The following ASAH2 variants were observed in gnomAD, a reference collection of about 807,000 sequenced individuals.
ASAH2 encodes the protein N-acylsphingosine amidohydrolase 2.
ASAH2 carries 58 observed loss-of-function variants against 82.9 expected under a neutral mutation model. The observed-to-expected ratio is 0.70, with a 90% CI of 0.57 to 0.87. The LOEUF (loss-of-function observed/expected upper bound fraction) is 0.87. Among genes scored for constraint, ASAH2 ranks in the 40% least tolerant of loss-of-function variants. The pLI is 0.00. For synonymous variants in ASAH2, 276 were observed against 289.7 expected, an observed-to-expected ratio of 0.95 and a Z score of 0.48; for missense variants, 779 against 834.0, an observed-to-expected ratio of 0.93 and a Z score of 0.81.
chr10:50,240,321 G>C (rs1247008605), intron 4 of ASAH2, among the ~76,000 whole-genome samples: 1 of 152,094 alleles, frequency 6.6e-6, no homozygotes, highest in Non-Finnish European at 1.5e-5. Context: ...AAACTCCCCT[G>C]GGTGAAATCC....
At position 50,214,767 on chromosome 10, in the gene ASAH2, G is replaced by A; in HGVS notation, c.1116C>T (p.Ala372=). The change falls in exon 9 of 21, where the codon GCC becomes GCT. Residue 372 remains alanine, a synonymous_variant. Transcript: ENST00000682911. ...CCCCACCAATGGGACAAGTGCTATT[G>A]GCGTTATCACAGGACTCTCCTGTGT... The part of the protein sequence containing the change: ...CINTGESCDN[A]NSTCPIGGPS... The A allele has an allele frequency of 6.2e-7, 1 of 1,613,756 alleles. No individual in the cohort carries two copies.
intron 16 of ASAH2, among the ~76,000 whole-genome samples, chr10:50,201,844 G>GAATAACAA (rs1845157994): frequency 6.6e-6 from 1 of 152,042 alleles, no homozygotes; most frequent in Non-Finnish European, 1.5e-5. Flanking sequence ...ATATATCTGT[G>GAATAACAA]GATCTAATAA....
chr10:50,232,430 A>G (rs1037280539), intron 7 of ASAH2, among the ~76,000 whole-genome samples: 3 of 152,102 alleles, frequency 2.0e-5, no homozygotes, highest in South Asian at 2.1e-4. Flanking sequence ...ATTTGACTGT[A>G]GCACCCAGCA....
At chr10:50,245,160 G>T in intron 3 of ASAH2, 62 bp downstream of exon 3, 1 of 1,329,452 alleles carries the variant, frequency 7.5e-7, no homozygotes, top group Non-Finnish European at 1.1e-6. Context: ...AATGAATGCA[G>T]GTTGTAAAAT....
intron 2 of ASAH2, among the ~76,000 whole-genome samples, chr10:50,246,312 C>T (rs892953383): frequency 1.3e-5 from 2 of 152,158 alleles, no homozygotes; most frequent in Non-Finnish European, 2.9e-5. Context: ...ATCCTGCTTC[C>T]TGGGGCTGTT....
intron 7 of ASAH2, among the ~76,000 whole-genome samples, chr10:50,226,958 A>G (rs1253412720): frequency 1.3e-5 from 2 of 152,134 alleles, no homozygotes; most frequent in African/African-American, 4.8e-5. Context: ...CCATTTAAAT[A>G]TATATTTTAA....
At chr10:50,207,339 A>G (rs1255237477) in intron 12 of ASAH2, among the ~76,000 whole-genome samples, 3 of 151,896 alleles carry the variant, frequency 2.0e-5, no homozygotes, top group African/African-American at 4.8e-5. Context: ...AAGAAAATCA[A>G]TTAAACAGTG....
chr10:50,227,268 T>C (rs1412227460), intron 7 of ASAH2, among the ~76,000 whole-genome samples: 6 of 152,134 alleles, frequency 3.9e-5, no homozygotes, highest in African/African-American at 1.2e-4. Flanking sequence ...TAACAGACTA[T>C]GTAGACTTTA....
At chr10:50,210,651 C>T (rs949987599) in intron 12 of ASAH2, among the ~76,000 whole-genome samples, 172 bp downstream of exon 12, 14 of 152,240 alleles carry the variant, frequency 9.2e-5, no homozygotes, top group African/African-American at 3.4e-4. Context: ...TTAGTGGTTG[C>T]TTAGGTCTGG....
chr10:50,235,718 A>C (rs1478679283), intron 5 of ASAH2, among the ~76,000 whole-genome samples, 170 bp downstream of exon 5: 2 of 152,132 alleles, frequency 1.3e-5, no homozygotes, highest in Admixed American at 1.3e-4. Flanking sequence ...CTAACAGCCC[A>C]TAGCTCAGAA....
chr10:50,222,844 ATATTT>A lies in ASAH2; in HGVS notation c.894-4219_894-4215del, dbSNP rs1366870592. Among the ~76,000 whole-genome samples, 12 of 152,340 alleles carry A rather than the reference ATATTT, an allele frequency of 7.9e-5. No individual in the cohort carries two copies. The South Asian group carries it at 2.1e-3, about 26-fold the overall frequency. On this transcript the variant is annotated intron_variant, in intron 7 of 20. Coordinates refer to ENST00000682911, the MANE Select transcript of ASAH2 (RefSeq NM_019893.4). ...ATTTTAATTTTAAAACGCAGTACTT[ATATTT>A]TATTTTATCTGGCCAAAAAATATTT...
intron 18 of ASAH2, among the ~76,000 whole-genome samples, chr10:50,195,649 T>C (rs1165383414): frequency 4.7e-4 from 72 of 151,850 alleles, no homozygotes; most frequent in Middle Eastern, 3.4e-3. Context: ...ACCTAAGTGT[T>C]CATCAATGGA....
chr10:50,244,310 A>T (rs1448630887), intron 3 of ASAH2, among the ~76,000 whole-genome samples: 1 of 152,150 alleles, frequency 6.6e-6, no homozygotes, highest in African/African-American at 2.4e-5. Flanking sequence ...ACCAAATCAG[A>T]TCACATACAC....
In ASAH2 at chr10:50,204,969, AC is replaced by A; in HGVS notation, c.1531-15del. 2.5e-6 allele frequency: 4 copies of A among 1,576,870 alleles called. No individual in the cohort carries two copies. Among genetic ancestry groups the A allele is most frequent in the Non-Finnish European group, 3.5e-6 (4 of 1,154,508 alleles). On this transcript the variant is annotated splice_polypyrimidine_tract_variant and intron_variant, in intron 13 of 20. Coordinates refer to ENST00000682911, the MANE Select transcript of ASAH2 (RefSeq NM_019893.4). ...AGGTTTTGATAGCTGAGAACCCAAA[AC>A]AAGAAAATTATGTTAGGGATAACAC... is the stretch of plus-strand genomic sequence containing the variant.
chr10:50,190,650 A>G (rs1449196637), intron 19 of ASAH2, among the ~76,000 whole-genome samples: 1 of 133,884 alleles, frequency 7.5e-6, no homozygotes, highest in African/African-American at 2.8e-5. Context: ...AAAACATATG[A>G]CAATCTTTTC....
At chr10:50,197,895 G>T (rs1289626148) in intron 17 of ASAH2, among the ~76,000 whole-genome samples, 1 of 151,598 alleles carries the variant, frequency 6.6e-6, no homozygotes, top group African/African-American at 2.4e-5. Flanking sequence ...TGTATAATCT[G>T]AATGACCTAC....
chr10:50,227,698 A>T (rs1238348946), intron 7 of ASAH2, among the ~76,000 whole-genome samples: 1 of 152,316 alleles, frequency 6.6e-6, no homozygotes, highest in East Asian at 1.9e-4. Context: ...GAAATCTAAC[A>T]ATCAAGTTGT....
chr10:50,203,667 T>C lies in ASAH2; in HGVS notation c.1638A>G (p.Gly546=), dbSNP rs1845220842. The C allele has an allele frequency of 6.2e-7, 1 of 1,612,472 alleles. No individual in the cohort carries two copies. The part of the protein sequence containing the change: ...AIPGEFTTMS[G]RRLREAVQAE... Reference sequence around the variant, plus strand: ...CTTGAACTGCCTCTCGAAGTCTTCGTCCAGACATGGTCCTGAGTCAAGAAA... The same window carrying C: ...CTTGAACTGCCTCTCGAAGTCTTCGCCCAGACATGGTCCTGAGTCAAGAAA... Residue 546 remains glycine (G), a synonymous_variant, in exon 15 of 21, where the codon GGA becomes GGG. Coordinates refer to ENST00000682911, the MANE Select transcript of ASAH2 (RefSeq NM_019893.4).
intron 3 of ASAH2, among the ~76,000 whole-genome samples, chr10:50,244,277 A>G (rs1846386162): frequency 6.6e-6 from 1 of 152,192 alleles, no homozygotes; most frequent in Admixed American, 6.5e-5. Flanking sequence ...CTCCTGACTT[A>G]TCAGGACTCT....
Sources: gnomAD v4.1 joint callset for allele counts (sites outside exome capture counted in the v4.1 genomes callset) on GRCh38, gnomAD v4.1.1 for gene constraint, MANE v1.5 for transcripts, NCBI Gene and HGNC (gene_info 2026-07-23, HGNC 2026-07-21) for gene names.